Variants in DCHS2 observed in about 807,000 individuals in gnomAD.
The protein encoded by DCHS2 is dachsous cadherin-related 2.
A neutral mutation model predicts 182.4 loss-of-function variants in DCHS2; 142 were observed. The observed-to-expected ratio is 0.78, with a 90% CI of 0.68 to 0.89. DCHS2 has a LOEUF of 0.89. Ranked by LOEUF, DCHS2 falls within the 40% of genes least tolerant of loss-of-function variation. The pLI, the probability that DCHS2 is intolerant of heterozygous loss-of-function variation, is 0.00. For missense variants in DCHS2, 4,319 were observed against 4,198.6 expected (o/e 1.03, Z -0.79); for synonymous variants, 1,740 against 1,663.3 (o/e 1.05, Z -1.12).
intron 10 of DCHS2, among the ~76,000 whole-genome samples, chr4:154,312,965 C>T (rs970467529): frequency 4.0e-5 from 6 of 151,730 alleles, no homozygotes; most frequent in African/African-American, 1.5e-4. Flanking sequence ...CAAGTGTAGA[C>T]TTAGGCGGTG....
chr4:154,255,614 C>A lies in DCHS2; in HGVS notation c.6846G>T (p.Leu2282=), dbSNP rs150314278. 6 of 1,614,018 alleles carry A rather than the reference C, an allele frequency of 3.7e-6. No individual in the cohort carries two copies. The highest frequency in any genetic ancestry group is 3.3e-5 in the South Asian group (3 of 91,070). ...GLNGLIEYSI[L]SGNQEEAFQI... ...GGAATGCTTCTTCTTGGTTGCCAGACAGAATAGAATACTCAATCAGGCCGT... is the reference window on the plus strand; with the variant it reads ...GGAATGCTTCTTCTTGGTTGCCAGAAAGAATAGAATACTCAATCAGGCCGT... Residue 2282 remains leucine, a synonymous_variant, in exon 16 of 20, where the codon CTG becomes CTT. Coordinates refer to ENST00000357232, the MANE Select transcript of DCHS2 (RefSeq NM_001358235.2).
Position 154,233,944 on chromosome 4 carries a change from T to G in DCHS2, c.*592A>C, listed in dbSNP as rs1731314384. On this transcript the variant is annotated 3_prime_UTR_variant, in exon 20 of 20. Coordinates refer to ENST00000357232, the MANE Select transcript of DCHS2 (RefSeq NM_001358235.2). Reference sequence around the variant, plus strand: ...ATTTCCTTCTGAATTTTTTATTAGTTTTCCAAAAGACTCCACATTGAAATT... The same window carrying G: ...ATTTCCTTCTGAATTTTTTATTAGTGTTCCAAAAGACTCCACATTGAAATT... 6.6e-6 allele frequency: 1 copy of G among 152,182 alleles called. No homozygotes were observed. Among genetic ancestry groups the G allele is most frequent in the Non-Finnish European group, 1.5e-5 (1 of 68,026 alleles). The allele number at this position is 152,182 out of a possible 1,614,324, so 9.4% of individuals were successfully genotyped here.
At chr4:154,486,380 A>G in intron 1 of DCHS2, 1 of 1,299,744 alleles carries the variant, frequency 7.7e-7, no homozygotes, top group Middle Eastern at 2.1e-4. Flanking sequence ...AGTAACCACT[A>G]AGACAACTTG....
chr4:154,448,183 C>T (rs1200204342), intron 1 of DCHS2, among the ~76,000 whole-genome samples: 1 of 152,180 alleles, frequency 6.6e-6, no homozygotes, highest in African/African-American at 2.4e-5. Context: ...TTGCACTCTG[C>T]CCTATGAGCT....
chr4:154,427,923 A>G (rs1305565263), intron 1 of DCHS2, among the ~76,000 whole-genome samples: 1 of 152,262 alleles, frequency 6.6e-6, no homozygotes, highest in Non-Finnish European at 1.5e-5. Context: ...CAACTGCTCT[A>G]TACATTGAGA....
intron 1 of DCHS2, among the ~76,000 whole-genome samples, chr4:154,459,074 C>A (rs1373124424): frequency 1.3e-5 from 2 of 152,170 alleles, no homozygotes; most frequent in Admixed American, 6.5e-5. Context: ...TGCAGTTACA[C>A]AATGGAGGCC....
chr4:154,424,438 G>A (rs138674162), intron 1 of DCHS2, among the ~76,000 whole-genome samples: 16 of 152,100 alleles, frequency 1.1e-4, no homozygotes, highest in Admixed American at 3.9e-4. Context: ...ATTAGGATGT[G>A]CAAAAATGAA....
chr4:154,490,870 G>C lies in DCHS2; in HGVS notation c.486C>G (p.Asp162Glu). 6.4e-7 allele frequency: 1 copy of C among 1,551,532 alleles called. No individual in the cohort carries two copies. Among genetic ancestry groups the C allele is most frequent in the Admixed American group, 2.0e-5 (1 of 51,016 alleles). ...AGTCGAGGGGAAAGCGGGGCGAGTG[G>C]TCATTCACGTCGTTGACGCGAATCT... ...QVEIRVNDVN[D>E]HSPRFPLDSL... The change falls in exon 1 of 20, where the codon GAC becomes GAG. Residue 162 changes from aspartate (D) to glutamate (E), a missense_variant. Coordinates refer to ENST00000357232, the MANE Select transcript of DCHS2 (RefSeq NM_001358235.2).
At chr4:154,347,552 C>T (rs1369642126) in intron 3 of DCHS2, among the ~76,000 whole-genome samples, 4 of 151,872 alleles carry the variant, frequency 2.6e-5, no homozygotes. Context: ...TGTTGTACTA[C>T]AGTATAGTAC....
chr4:154,402,342 T>A (rs778749456), intron 1 of DCHS2, among the ~76,000 whole-genome samples: 50 of 152,144 alleles, frequency 3.3e-4, no homozygotes, highest in Non-Finnish European at 5.6e-4. Context: ...CCCCCAAATG[T>A]TTGGCTGTCC....
intron 1 of DCHS2, among the ~76,000 whole-genome samples, chr4:154,401,021 G>C (rs942160203): frequency 6.6e-6 from 1 of 152,196 alleles, no homozygotes; most frequent in African/African-American, 2.4e-5. Context: ...AATCAAAATA[G>C]AGAACATTTA....
At chr4:154,245,648 T>G (rs569635042) in intron 16 of DCHS2, among the ~76,000 whole-genome samples, 1 of 152,318 alleles carries the variant, frequency 6.6e-6, no homozygotes, top group African/African-American at 2.4e-5. Flanking sequence ...ACACAGGTTT[T>G]ATCTTCCCTT....
chr4:154,420,246 C>CAGACAGATAGATAGATAGAT (rs1553950394), intron 1 of DCHS2, among the ~76,000 whole-genome samples: 8 of 144,748 alleles, frequency 5.5e-5, no homozygotes, highest in African/African-American at 1.8e-4. Flanking sequence ...GACAGACAGA[C>CAGACAGATAGATAGATAGAT]AGATAGATAG....
chr4:154,392,966 C>A (rs942517102), intron 1 of DCHS2, among the ~76,000 whole-genome samples: 1 of 152,156 alleles, frequency 6.6e-6, no homozygotes, highest in African/African-American at 2.4e-5. Flanking sequence ...CTTCCATGTA[C>A]TAAGGCTTCC....
rs994562715 is a variant in DCHS2 at position 154,269,883 on chromosome 4, G to C, written c.6577+17C>G. The C allele has an allele frequency of 1.2e-6, 2 of 1,605,586 alleles. No individual in the cohort carries two copies. Among genetic ancestry groups the C allele is most frequent in the Non-Finnish European group, 1.7e-6 (2 of 1,177,314 alleles). On this transcript the variant is annotated intron_variant, in intron 14 of 19. Coordinates refer to ENST00000357232, the MANE Select transcript of DCHS2 (RefSeq NM_001358235.2). ...TGGAGCAGAAAATAAAGCTAGTATA[G>C]GGTAGAGAAGGATTACCTGACTTAG...
chr4:154,302,633 C>T (rs1258596647), intron 12 of DCHS2, among the ~76,000 whole-genome samples: 1 of 151,834 alleles, frequency 6.6e-6, no homozygotes, highest in African/African-American at 2.4e-5. Context: ...GGAAAGATTT[C>T]TGAGTCCCAC....
chr4:154,241,507 GC>G (rs1324616933), intron 17 of DCHS2, among the ~76,000 whole-genome samples: 2 of 152,214 alleles, frequency 1.3e-5, no homozygotes, highest in Non-Finnish European at 2.9e-5. Context: ...AGCCTAAACA[GC>G]CCGTGAAAGG....
intron 1 of DCHS2, among the ~76,000 whole-genome samples, chr4:154,410,961 T>G (rs754104969): frequency 6.6e-6 from 1 of 152,134 alleles, no homozygotes; most frequent in African/African-American, 2.4e-5. Flanking sequence ...CAGGAGAGAA[T>G]GAGATGTTAT....
chr4:154,477,871 A>G (rs1279817068), intron 1 of DCHS2, among the ~76,000 whole-genome samples: 1 of 152,232 alleles, frequency 6.6e-6, no homozygotes, highest in Non-Finnish European at 1.5e-5. Flanking sequence ...CAAATGGGTC[A>G]CAGTGAATGA....
Sources: gnomAD v4.1 joint callset for allele counts (sites outside exome capture counted in the v4.1 genomes callset) on GRCh38, gnomAD v4.1.1 for gene constraint, MANE v1.5 for transcripts, NCBI Gene and HGNC (gene_info 2026-07-23, HGNC 2026-07-21) for gene names.